SMC5: variants seen among roughly 807,000 people sequenced by gnomAD.
SMC5 encodes structural maintenance of chromosomes protein 5.
A neutral mutation model predicts 148.3 loss-of-function variants in SMC5; 88 were observed. That is an observed-to-expected ratio of 0.59 (90% CI 0.50 to 0.71). The LOEUF is 0.71. Ranked by LOEUF, SMC5 falls within the 30% of genes least tolerant of loss-of-function variation. SMC5 has a pLI of 0.00. For missense variants in SMC5, 1,142 were observed against 1,298.9 expected (o/e 0.88, Z 1.86); for synonymous variants, 421 against 432.8 (o/e 0.97, Z 0.34).
intron 4 of SMC5, 83 bp from the exon 5 acceptor site, chr9:70,278,408 C>A: frequency 7.5e-7 from 1 of 1,329,130 alleles, no homozygotes; most frequent in Non-Finnish European, 1.0e-6. Context: ...TTCACCTTGA[C>A]AAGTGTAAGC....
At chr9:70,327,948 A>G (rs1272950842) in intron 17 of SMC5, among the ~76,000 whole-genome samples, 1 of 152,126 alleles carries the variant, frequency 6.6e-6, no homozygotes, top group Non-Finnish European at 1.5e-5. Flanking sequence ...GGTGAAGGGG[A>G]AGCAAGCATG....
chr9:70,347,678 GA>G lies in SMC5; in HGVS notation c.2733del (p.Val912LeufsTer3). The G allele has an allele frequency of 6.3e-7, 1 of 1,588,852 alleles. No individual in the cohort carries two copies. Among genetic ancestry groups the G allele is most frequent in the Non-Finnish European group, 8.5e-7 (1 of 1,171,212 alleles). On this transcript the variant is annotated frameshift_variant, in exon 21 of 25. Transcript: ENST00000361138. LOFTEE classifies it high-confidence loss of function. ...AGTTAACTGAGGAACTAAAGGGAAA[GA>G]AAGTTGAACTAGATCAATACAGGGA... is the stretch of plus-strand genomic sequence containing the variant. ...EQLTEELKGK[K>X]VELDQYRENI...
rs1260712018 is a variant in SMC5, at chr9:70,323,466, T to C, written c.2151-17T>C. The C allele has an allele frequency of 2.5e-6, 4 of 1,579,850 alleles. No homozygotes were observed. The East Asian group carries it at 9.1e-5, about 36-fold the overall frequency. On this transcript the variant is annotated splice_polypyrimidine_tract_variant and intron_variant, in intron 15 of 24. Coordinates refer to ENST00000361138, the MANE Select transcript of SMC5 (RefSeq NM_015110.4). ...ATGTTTAACACTGATTTCTTCATTA[T>C]TATATGTGTCATACAGTTTAAAGCT...
rs73446761 is a variant in SMC5 at position 70,259,373 on chromosome 9, G to A, written c.185+110G>A. ...GTGTGGGTGTGTACCTGGCTTGTGG[G>A]TCTGGCCTTGAATTCGTGCCGGGGT... On this transcript the variant is annotated intron_variant, in intron 1 of 24. Transcript: ENST00000361138. The A allele has an allele frequency of 9.0e-4, 1,059 of 1,177,810 alleles. 8 individuals carry two copies. The African/African-American group carries it at 0.013, about 15-fold the overall frequency. The allele number at this position is 1,177,810 out of a possible 1,614,324, so 73.0% of individuals were successfully genotyped here. A position where few individuals can be genotyped will look rare whatever the true frequency, so the allele number is the denominator to read the frequency against.
intron 11 of SMC5, among the ~76,000 whole-genome samples, 165 bp from the exon 12 acceptor site, chr9:70,314,569 CACATAACT>C (rs2035746255): frequency 1.3e-5 from 2 of 151,088 alleles, no homozygotes; most frequent in Admixed American, 6.6e-5. Flanking sequence ...TTTATAAAAA[CACATAACT>C]ACAGTATTAT....
intron 17 of SMC5, among the ~76,000 whole-genome samples, chr9:70,334,152 G>GTTTTTTTATTTTT: frequency 7.2e-6 from 1 of 138,318 alleles, no homozygotes; most frequent in Non-Finnish European, 1.5e-5. Flanking sequence ...TTTTGACAAA[G>GTTTTTTTATTTTT]ATGCCCAGGG....
intron 13 of SMC5, among the ~76,000 whole-genome samples, chr9:70,317,701 C>T (rs2035838711): frequency 6.6e-6 from 1 of 152,008 alleles, no homozygotes; most frequent in South Asian, 2.1e-4. Flanking sequence ...AGAAATAGAT[C>T]AAATAGTGGT....
At chr9:70,298,346 C>G (rs996131599) in intron 9 of SMC5, 125 bp downstream of exon 9, 1 of 1,037,976 alleles carries the variant, frequency 9.6e-7, no homozygotes, top group Non-Finnish European at 1.4e-6. Flanking sequence ...GGAAGCTCAA[C>G]TCAGTTCTTC....
chr9:70,315,541 C>A lies in SMC5; in HGVS notation c.1769C>A (p.Pro590His). ...LCCQYHIHEV[P>H]VGTEKTRERI... ...TGTCAGTATCATATTCATGAAGTTC[C>A]TGTAGGAACTGAAAAGACCAGAGAA... The change falls in exon 13 of 25, where the codon CCT becomes CAT. Residue 590 changes from proline to histidine, a missense_variant. Transcript: ENST00000361138. The A allele has an allele frequency of 6.3e-7, 1 of 1,592,144 alleles. No individual in the cohort carries two copies. Among genetic ancestry groups the A allele is most frequent in the Non-Finnish European group, 8.6e-7 (1 of 1,167,424 alleles).
At chr9:70,320,440 C>T (rs538866022) in intron 15 of SMC5, among the ~76,000 whole-genome samples, 1 of 152,100 alleles carries the variant, frequency 6.6e-6, no homozygotes, top group African/African-American at 2.4e-5. Context: ...TTCAGGGGGA[C>T]AAAAATGGAT....
intron 11 of SMC5, among the ~76,000 whole-genome samples, chr9:70,309,369 G>A (rs1042422023): frequency 4.7e-5 from 5 of 107,314 alleles, no homozygotes; most frequent in African/African-American, 1.8e-4. Flanking sequence ...GTCTTCCTCT[G>A]TCTCGCAGAC....
chr9:70,275,754 T>G (rs1396160089), intron 3 of SMC5, among the ~76,000 whole-genome samples: 1 of 152,126 alleles, frequency 6.6e-6, no homozygotes, highest in East Asian at 1.9e-4. Context: ...GTGGATTTAT[T>G]TTTTATTTAC....
Position 70,352,339 on chromosome 9 carries a change from A to C in SMC5, c.*8A>C. ...TTCACTCAACCTTCTTAATAAAAGT[A>C]AAGAGAGGGAACTTGGGAATTTTTT... On this transcript the variant is annotated 3_prime_UTR_variant, in exon 25 of 25. Coordinates refer to ENST00000361138, the MANE Select transcript of SMC5 (RefSeq NM_015110.4). The C allele has an allele frequency of 6.3e-7, 1 of 1,579,702 alleles. No homozygotes were observed. Among genetic ancestry groups the C allele is most frequent in the Non-Finnish European group, 8.6e-7 (1 of 1,166,738 alleles).
In SMC5 at chr9:70,286,418, G is replaced by A. The variant is rs1429322210; in HGVS notation, c.1053+147G>A. On this transcript the variant is annotated intron_variant, in intron 8 of 24. Coordinates refer to ENST00000361138, the MANE Select transcript of SMC5 (RefSeq NM_015110.4). ...TTAATCCGAGGGAAAGTAAGATTTG[G>A]AAGTATAGTAGTTGCTCAGAGGACA... 75 of 575,774 alleles carry A rather than the reference G, an allele frequency of 1.3e-4. No homozygotes were observed. The Admixed American group carries it at 2.7e-3, about 20-fold the overall frequency. 35.7% of individuals were successfully genotyped at this position (575,774 alleles called of 1,614,324 possible).
chr9:70,293,490 G>A (rs1308830021), intron 8 of SMC5, among the ~76,000 whole-genome samples: 1 of 151,866 alleles, frequency 6.6e-6, no homozygotes, highest in Non-Finnish European at 1.5e-5. Context: ...CCTGCCTGAT[G>A]TAGATGGGCT....
chr9:70,328,435 C>T (rs945649367), intron 17 of SMC5, among the ~76,000 whole-genome samples: 14 of 152,188 alleles, frequency 9.2e-5, no homozygotes, highest in African/African-American at 2.7e-4. Flanking sequence ...GAAGGAACTA[C>T]AGGCCCCACA....
intron 17 of SMC5, among the ~76,000 whole-genome samples, chr9:70,327,621 C>G (rs2036114899): frequency 6.6e-6 from 1 of 152,042 alleles, no homozygotes; most frequent in Non-Finnish European, 1.5e-5. Flanking sequence ...CTGAAAATAA[C>G]AAATACATGA....
chr9:70,325,302 C>G (rs762802721), intron 17 of SMC5, among the ~76,000 whole-genome samples: 1 of 152,146 alleles, frequency 6.6e-6, no homozygotes, highest in Non-Finnish European at 1.5e-5. Flanking sequence ...AAAGCCCAGT[C>G]AAATTCTTTA....
Position 70,269,260 on chromosome 9 carries a change from G to A in SMC5, c.380+1285G>A, listed in dbSNP as rs865934695. Among the ~76,000 whole-genome samples, 15 of 152,168 alleles carry A rather than the reference G, an allele frequency of 9.9e-5. No individual in the cohort carries two copies. In the South Asian group the frequency reaches 2.7e-3, roughly 27 times the overall value. On this transcript the variant is annotated intron_variant, in intron 3 of 24. Transcript: ENST00000361138. ...CTGAAGAAATGGAGGTGCGTGATAC[G>A]TTCCTAGAAACATAAAGTTAATGTC...
Sources: gnomAD v4.1 joint callset for allele counts (sites outside exome capture counted in the v4.1 genomes callset) on GRCh38, gnomAD v4.1.1 for gene constraint, MANE v1.5 for transcripts, NCBI Gene and HGNC (gene_info 2026-07-23, HGNC 2026-07-21) for gene names.